SUCLG2: variants seen among roughly 807,000 people sequenced by gnomAD.
SUCLG2 encodes the protein succinate--CoA ligase [GDP-forming] subunit beta, mitochondrial.
Under a neutral mutation model 47.9 loss-of-function variants are expected in SUCLG2, and 42 were observed. The ratio of observed to expected loss-of-function variants is 0.88; its 90% confidence interval spans 0.69 to 1.14. The LOEUF (loss-of-function observed/expected upper bound fraction) is 1.14, where lower values mean the gene tolerates loss of function less well. SUCLG2 is among the 50% of genes most tolerant of loss of function. The pLI, the probability that SUCLG2 is intolerant of heterozygous loss-of-function variation, is 0.00. For synonymous variants in SUCLG2, 195 were observed against 197.3 expected, an observed-to-expected ratio of 0.99 and a Z score of 0.10; for missense variants, 571 against 525.9, an observed-to-expected ratio of 1.09 and a Z score of -0.84.
At chr3:67,613,925 A>G (rs763030088) in intron 1 of SUCLG2, among the ~76,000 whole-genome samples, 10 of 152,202 alleles carry the variant, frequency 6.6e-5, no homozygotes, top group Admixed American at 2.0e-4. Context: ...TACCAGGAAT[A>G]GGACTTTCAC....
At chr3:67,427,048 T>G (rs1703320546) in intron 9 of SUCLG2, among the ~76,000 whole-genome samples, 1 of 152,214 alleles carries the variant, frequency 6.6e-6, no homozygotes, top group Non-Finnish European at 1.5e-5. Context: ...CCGATTGGCC[T>G]TATACTAAGG....
rs184113260 is a variant in SUCLG2, at chr3:67,378,120, G to A, written c.1184-2261C>T. 1.4e-3 allele frequency among the ~76,000 whole-genome samples: 214 copies of A among 152,324 alleles called. 1 individual carries two copies. Among genetic ancestry groups the A allele is most frequent in the African/African-American group, 4.6e-3 (191 of 41,584 alleles). On this transcript the variant is annotated intron_variant, in intron 10 of 10. Coordinates refer to ENST00000307227, the MANE Select transcript of SUCLG2 (RefSeq NM_003848.4). ...TCTGCATTTTTCTGTTGTTACAGGA[G>A]CTAGCATTATTTTGACTAACATATG...
chr3:67,508,953 T>G (rs781009377), intron 6 of SUCLG2, 50 bp from the exon 7 acceptor site: 2 of 1,401,562 alleles, frequency 1.4e-6, no homozygotes, highest in Admixed American at 2.1e-5. Context: ...TAAAAGAAAA[T>G]TTATTTTGCT....
In SUCLG2 at chr3:67,534,886, C is replaced by T. The variant is rs1296287747; in HGVS notation, c.227-5700G>A. On this transcript the variant is annotated intron_variant, in intron 2 of 10. Transcript: ENST00000307227. The stretch of plus-strand genomic sequence containing the variant: ...TGAAACCACAGGACATTAAACAAAT[C>T]TTTTGCAAATGAAGCCACTTGAAGA... 1.2e-4 allele frequency among the ~76,000 whole-genome samples: 17 copies of T among 145,698 alleles called. No homozygotes were observed. The Admixed American group carries it at 1.2e-3, about 10-fold the overall frequency.
chr3:67,537,439 T>C (rs1440716162), intron 2 of SUCLG2, among the ~76,000 whole-genome samples: 2 of 152,252 alleles, frequency 1.3e-5, no homozygotes, highest in Non-Finnish European at 2.9e-5. Flanking sequence ...ATAATTTATA[T>C]GTGCCACATT....
chr3:67,440,762 G>T (rs1463028270), intron 9 of SUCLG2, among the ~76,000 whole-genome samples: 1 of 152,182 alleles, frequency 6.6e-6, no homozygotes, highest in African/African-American at 2.4e-5. Context: ...AAACAGGAAT[G>T]CTTTTACACT....
chr3:67,492,073 T>C (rs938219674), intron 9 of SUCLG2, among the ~76,000 whole-genome samples: 1 of 152,206 alleles, frequency 6.6e-6, no homozygotes, highest in Non-Finnish European at 1.5e-5. Context: ...CATTTCTTCC[T>C]AGATATTTCA....
intron 2 of SUCLG2, among the ~76,000 whole-genome samples, chr3:67,534,993 A>G (rs933942129): frequency 3.3e-5 from 5 of 152,138 alleles, no homozygotes; most frequent in African/African-American, 9.7e-5. Flanking sequence ...ATTACAGGAC[A>G]AAGCAATCCT....
chr3:67,535,850 T>C (rs1706527239), intron 2 of SUCLG2, among the ~76,000 whole-genome samples: 1 of 152,174 alleles, frequency 6.6e-6, no homozygotes, highest in African/African-American at 2.4e-5. Flanking sequence ...AAACTCCTCT[T>C]TTAGTCAACT....
At chr3:67,631,019 T>C in intron 1 of SUCLG2, among the ~76,000 whole-genome samples, 1 of 152,198 alleles carries the variant, frequency 6.6e-6, no homozygotes. Flanking sequence ...AGAAGACCAA[T>C]GTCCTATAAG....
chr3:67,523,176 C>G (rs2107134894), intron 4 of SUCLG2, among the ~76,000 whole-genome samples: 1 of 152,118 alleles, frequency 6.6e-6, no homozygotes, highest in African/African-American at 2.4e-5. Context: ...ACTCAGATAC[C>G]ACAAAAACAC....
rs116121904 is a variant in SUCLG2 at position 67,478,902 on chromosome 3, T to C, written c.1062+16896A>G. ...AAAGAATTTTCAAAGTTAATGATGATAGTAAATATGTTGTGCCTTAAGAAC... is the reference window on the plus strand; with the variant it reads ...AAAGAATTTTCAAAGTTAATGATGACAGTAAATATGTTGTGCCTTAAGAAC... On this transcript the variant is annotated intron_variant, in intron 9 of 10. Transcript: ENST00000307227. Among the ~76,000 whole-genome samples the C allele has an allele frequency of 8.7e-3, 1,325 of 152,302 alleles. 25 individuals are homozygous for C. Among genetic ancestry groups the C allele is most frequent in the African/African-American group, 0.03 (1,262 of 41,562 alleles).
rs143400170 is a variant in SUCLG2 at position 67,539,340 on chromosome 3, T to C, written c.227-10154A>G. 4.4e-3 allele frequency among the ~76,000 whole-genome samples: 675 copies of C among 152,358 alleles called. 8 individuals are homozygous for C. The East Asian group carries it at 0.054, about 12-fold the overall frequency. On this transcript the variant is annotated intron_variant, in intron 2 of 10. Transcript: ENST00000307227. Reference sequence around the variant, plus strand: ...ATCATGTGGTTTTTGTCTTTGGTTCTGTTTATGTGATGGATTATGTTAATT... The same window carrying C: ...ATCATGTGGTTTTTGTCTTTGGTTCCGTTTATGTGATGGATTATGTTAATT...
At chr3:67,446,462 G>A (rs1226300730) in intron 9 of SUCLG2, among the ~76,000 whole-genome samples, 5 of 112,716 alleles carry the variant, frequency 4.4e-5, no homozygotes, top group Admixed American at 1.3e-4. Context: ...ATAGAGTCTC[G>A]CTCTGTCACT....
chr3:67,400,101 A>G (rs1017780429), intron 10 of SUCLG2, among the ~76,000 whole-genome samples: 2 of 152,188 alleles, frequency 1.3e-5, no homozygotes, highest in Non-Finnish European at 2.9e-5. Context: ...TTTTCTTCAT[A>G]TACTTCAACT....
intron 2 of SUCLG2, among the ~76,000 whole-genome samples, chr3:67,571,278 C>A (rs560176587): frequency 2.6e-5 from 4 of 152,210 alleles, no homozygotes; most frequent in South Asian, 4.1e-4. Context: ...GGGATGGAGG[C>A]CAGGGATGCT....
In SUCLG2 at chr3:67,529,556, C is replaced by T. The variant is rs201148010; in HGVS notation, c.227-370G>A. On this transcript the variant is annotated intron_variant, in intron 2 of 10. Coordinates refer to ENST00000307227, the MANE Select transcript of SUCLG2 (RefSeq NM_003848.4). The stretch of plus-strand genomic sequence containing the variant: ...CCCATGTGGCAGAGGCACCAGTTGG[C>T]CAGTAAGAGGAGCTAACCATCAGAG... 3.3e-5 allele frequency among the ~76,000 whole-genome samples: 5 copies of T among 152,064 alleles called. No individual in the cohort carries two copies. The East Asian group carries it at 9.7e-4, about 29-fold the overall frequency.
intron 5 of SUCLG2, 131 bp from the exon 6 acceptor site, chr3:67,518,467 G>C: frequency 1.2e-6 from 1 of 804,926 alleles, no homozygotes; most frequent in Non-Finnish European, 1.9e-6. Context: ...AGATCTCTGA[G>C]CAGGGCTACC....
rs573041209 is a variant in SUCLG2, at chr3:67,424,822, G to A, written c.1063-23971C>T. 2.6e-5 allele frequency among the ~76,000 whole-genome samples: 4 copies of A among 152,156 alleles called. No homozygotes were observed. The East Asian group carries it at 7.7e-4, about 29-fold the overall frequency. Reference sequence around the variant, plus strand: ...TATAGAAGTGGCAGCAGCATTCCTTGCCCTCCAAGATTTGGCCCCATTTTA... The same window carrying A: ...TATAGAAGTGGCAGCAGCATTCCTTACCCTCCAAGATTTGGCCCCATTTTA... On this transcript the variant is annotated intron_variant, in intron 9 of 10. Transcript: ENST00000307227.
Sources: allele counts gnomAD v4.1 joint callset (sites outside exome capture counted in the v4.1 genomes callset), GRCh38; gene constraint gnomAD v4.1.1; transcripts MANE v1.5; gene names NCBI Gene and HGNC (gene_info 2026-07-23, HGNC 2026-07-21).